The following GRHL2 variants were observed in gnomAD, a reference collection of about 807,000 sequenced individuals.
GRHL2 encodes the protein grainyhead-like protein 2 homolog.
In GRHL2, 21 loss-of-function variants were observed where a neutral mutation model predicts 83.8. That is an observed-to-expected ratio of 0.25 (90% CI 0.18 to 0.36). The LOEUF (loss-of-function observed/expected upper bound fraction) is 0.36, where lower values mean the gene tolerates loss of function less well. Ranked by LOEUF, GRHL2 falls within the 10% of genes least tolerant of loss-of-function variation. GRHL2 has a pLI of 1.00. For missense variants in GRHL2, 623 were observed against 781.8 expected (o/e 0.80, Z 2.42); for synonymous variants, 280 against 278.9 (o/e 1.00, Z -0.04).
chr8:101,520,885 TC>T (rs1197069083), intron 1 of GRHL2, among the ~76,000 whole-genome samples: 2 of 152,130 alleles, frequency 1.3e-5, no homozygotes, highest in Non-Finnish European at 2.9e-5. Context: ...TGACATTCCT[TC>T]CTCTTTTCCT....
chr8:101,587,309 C>T (rs776539345), intron 7 of GRHL2, among the ~76,000 whole-genome samples: 3 of 152,238 alleles, frequency 2.0e-5, no homozygotes, highest in Non-Finnish European at 4.4e-5. Context: ...TAAAAGCAGA[C>T]GATGGATGCT....
At chr8:101,661,178 T>C (rs1323224955) in intron 14 of GRHL2, among the ~76,000 whole-genome samples, 1 of 152,222 alleles carries the variant, frequency 6.6e-6, no homozygotes, top group Non-Finnish European at 1.5e-5. Context: ...TTAGTGTTAG[T>C]GTGTTTTATG....
At chr8:101,534,367 A>G (rs1185795143) in intron 1 of GRHL2, among the ~76,000 whole-genome samples, 1 of 152,148 alleles carries the variant, frequency 6.6e-6, no homozygotes, top group East Asian at 1.9e-4. Context: ...CTGTTTGTCA[A>G]GGCTTCAGTT....
chr8:101,631,761 C>T, intron 10 of GRHL2, 37 bp downstream of exon 10: 2 of 1,545,172 alleles, frequency 1.3e-6, no homozygotes, highest in Non-Finnish European at 1.8e-6. Context: ...TTTCTAAAGA[C>T]TCCAGGTGGG....
At chr8:101,563,378 G>T (rs558109185) in intron 4 of GRHL2, among the ~76,000 whole-genome samples, 1 of 151,956 alleles carries the variant, frequency 6.6e-6, no homozygotes, top group South Asian at 2.1e-4. Flanking sequence ...TAATCTTTCA[G>T]GTGAGCAAAG....
chr8:101,576,857 A>G (rs924762036), intron 6 of GRHL2, among the ~76,000 whole-genome samples: 2 of 152,154 alleles, frequency 1.3e-5, no homozygotes, highest in Non-Finnish European at 2.9e-5. Context: ...TGCGTTTTTC[A>G]GTGTATGAAA....
intron 1 of GRHL2, among the ~76,000 whole-genome samples, chr8:101,511,228 C>T (rs180856653): frequency 8.7e-4 from 132 of 152,166 alleles, no homozygotes; most frequent in African/African-American, 3.1e-3. Context: ...CATGATATTT[C>T]ACATGAAGAA....
At chr8:101,505,861 A>T (rs1400010708) in intron 1 of GRHL2, among the ~76,000 whole-genome samples, 1 of 152,298 alleles carries the variant, frequency 6.6e-6, no homozygotes, top group Non-Finnish European at 1.5e-5. Context: ...AGCCTTCATA[A>T]TCCTTCCTAA....
chr8:101,596,832 C>A (rs1289837744), intron 7 of GRHL2, among the ~76,000 whole-genome samples: 1 of 152,154 alleles, frequency 6.6e-6, no homozygotes, highest in Admixed American at 6.5e-5. Flanking sequence ...CTCTGACTTT[C>A]CTGTGGTGGC....
rs1055237644 is a variant in GRHL2, at chr8:101,668,548, G to A, written c.*1845G>A. ...GTCCTCTGGGCATGTTAACCCTTCT[G>A]TGGGGCCAAAGGTTTGCATCGTGGA... is the stretch of plus-strand genomic sequence containing the variant. On this transcript the variant is annotated 3_prime_UTR_variant, in exon 16 of 16. Coordinates refer to ENST00000646743, the MANE Select transcript of GRHL2 (RefSeq NM_024915.4). The A allele has an allele frequency of 6.5e-6, 1 of 152,856 alleles. No individual in the cohort carries two copies. The highest frequency in any genetic ancestry group is 2.4e-5 in the African/African-American group (1 of 41,440). The allele number at this position is 152,856 out of a possible 1,614,324, so 9.5% of individuals were successfully genotyped here. A position where few individuals can be genotyped will look rare whatever the true frequency, so the allele number is the denominator to read the frequency against.
chr8:101,597,225 G>T (rs1182381076), intron 7 of GRHL2, among the ~76,000 whole-genome samples: 1 of 152,142 alleles, frequency 6.6e-6, no homozygotes, highest in African/African-American at 2.4e-5. Context: ...GCTCCCAGGA[G>T]TATGAATTTT....
rs1188252983 is a variant in GRHL2, at chr8:101,667,215, T to A, written c.*512T>A. The stretch of plus-strand genomic sequence containing the variant: ...TTCTGGTCAGACACCTTTAGGTTGC[T>A]CTGGGGAAGGCTGTCTTGCTAAATA... On this transcript the variant is annotated 3_prime_UTR_variant, in exon 16 of 16. Coordinates refer to ENST00000646743, the MANE Select transcript of GRHL2 (RefSeq NM_024915.4). 5.0e-6 allele frequency: 1 copy of A among 198,454 alleles called. No homozygotes were observed. Among genetic ancestry groups the A allele is most frequent in the Non-Finnish European group, 1.1e-5 (1 of 94,888 alleles). 12.3% of individuals were successfully genotyped at this position (198,454 alleles called of 1,614,324 possible). A position where few individuals can be genotyped will look rare whatever the true frequency, so the allele number is the denominator to read the frequency against.
At chr8:101,571,049 T>C (rs1434622355) in intron 5 of GRHL2, among the ~76,000 whole-genome samples, 9 of 152,228 alleles carry the variant, frequency 5.9e-5, no homozygotes, top group Admixed American at 1.3e-4. Context: ...GGATAAGATA[T>C]AATCTCTCCT....
In GRHL2 at chr8:101,643,843, G is replaced by A. The variant is rs191045084; in HGVS notation, c.1518-288G>A. On this transcript the variant is annotated intron_variant, in intron 12 of 15. Transcript: ENST00000646743. Reference sequence around the variant, plus strand: ...TCTTGAGCAGAAAGAAGGGATAGGTGTAGGACGGAGTGGGTAAAATCCACT... The same window carrying A: ...TCTTGAGCAGAAAGAAGGGATAGGTATAGGACGGAGTGGGTAAAATCCACT... Among the ~76,000 whole-genome samples, 345 of 152,378 alleles carry A rather than the reference G, an allele frequency of 2.3e-3. 1 individual carries two copies. The highest frequency in any genetic ancestry group is 7.9e-3 in the African/African-American group (327 of 41,588).
At chr8:101,681,106 A>C in the GRHL2 span, among the ~76,000 whole-genome samples, 1 of 148,628 alleles carries the variant, frequency 6.7e-6, no homozygotes, top group Non-Finnish European at 1.5e-5. Context: ...TAGAGACACA[A>C]AAAACCCTTC....
chr8:101,573,592 C>A, intron 5 of GRHL2, 76 bp from the exon 6 acceptor site: 1 of 1,540,684 alleles, frequency 6.5e-7, no homozygotes, highest in Non-Finnish European at 9.0e-7. Context: ...ATGTGAAATG[C>A]TATGATGTGA....
chr8:101,658,957 A>G (rs999230939), intron 14 of GRHL2, among the ~76,000 whole-genome samples: 3 of 152,220 alleles, frequency 2.0e-5, no homozygotes, highest in Non-Finnish European at 4.4e-5. Context: ...TTTTTGTGCC[A>G]TGGATACCTT....
chr8:101,547,299 A>G (rs969814547), intron 2 of GRHL2, among the ~76,000 whole-genome samples: 2 of 152,184 alleles, frequency 1.3e-5, no homozygotes, highest in East Asian at 1.9e-4. Flanking sequence ...AATTGCTGCC[A>G]TGTTATCATT....
intron 2 of GRHL2, among the ~76,000 whole-genome samples, chr8:101,552,400 C>T (rs997483310): frequency 9.2e-5 from 14 of 152,230 alleles, no homozygotes; most frequent in African/African-American, 3.4e-4. Context: ...TCACATTGCT[C>T]CTCTCCCCTC....
Sources: allele counts gnomAD v4.1 joint callset (sites outside exome capture counted in the v4.1 genomes callset), GRCh38; gene constraint gnomAD v4.1.1; transcripts MANE v1.5; gene names NCBI Gene and HGNC (gene_info 2026-07-23, HGNC 2026-07-21).